The following TP63 variants were observed in gnomAD, a reference collection of about 807,000 sequenced individuals.
The protein encoded by TP63 is tumor protein p63.
In TP63, 17 loss-of-function variants were observed where a neutral mutation model predicts 82.8. The ratio of observed to expected loss-of-function variants is 0.21; its 90% CI spans 0.14 to 0.31. TP63 has a LOEUF of 0.31. Ranked by LOEUF, TP63 falls within the 10% of genes least tolerant of loss-of-function variation. The pLI, the probability that TP63 is intolerant of heterozygous loss-of-function variation, is 1.00. For synonymous variants in TP63, 330 were observed against 321.7 expected, an observed-to-expected ratio of 1.03 and a Z score of -0.28; for missense variants, 648 against 895.3, an observed-to-expected ratio of 0.72 and a Z score of 3.52.
intron 4 of TP63, among the ~76,000 whole-genome samples, chr3:189,856,025 G>T (rs1716251644): frequency 6.6e-6 from 1 of 151,608 alleles, no homozygotes; most frequent in Admixed American, 6.6e-5. Context: ...TAATACAATG[G>T]GCTGGCATAA....
At chr3:189,639,128 A>C (rs569661377) in intron 1 of TP63, among the ~76,000 whole-genome samples, 1 of 152,278 alleles carries the variant, frequency 6.6e-6, no homozygotes, top group South Asian at 2.1e-4. Context: ...CAGGGTTTCT[A>C]TCTCCTTTAA....
At chr3:189,789,293 C>A (rs1036171757) in intron 3 of TP63, among the ~76,000 whole-genome samples, 15 of 152,004 alleles carry the variant, frequency 9.9e-5, no homozygotes, top group Non-Finnish European at 1.6e-4. Flanking sequence ...TAAAAGTTTT[C>A]CTGAAGTTTA....
chr3:189,624,325 C>T, the TP63 span, among the ~76,000 whole-genome samples: 2 of 152,074 alleles, frequency 1.3e-5, no homozygotes, highest in Admixed American at 1.3e-4. Context: ...CCCCCACCCC[C>T]ATAACTTTAC....
the TP63 span, among the ~76,000 whole-genome samples, chr3:189,610,568 G>A: frequency 4.6e-5 from 7 of 152,046 alleles, no homozygotes; most frequent in Admixed American, 6.6e-5. Flanking sequence ...TGTCCATGTC[G>A]TTATCAGCAT....
intron 3 of TP63, among the ~76,000 whole-genome samples, chr3:189,792,367 A>G (rs1474358022): frequency 6.6e-6 from 1 of 152,084 alleles, no homozygotes; most frequent in Non-Finnish European, 1.5e-5. Context: ...AGAGAGGGTC[A>G]AAATAAAGGA....
chr3:189,812,309 TTC>T (rs1199564692), intron 4 of TP63, among the ~76,000 whole-genome samples: 4 of 152,262 alleles, frequency 2.6e-5, no homozygotes, highest in African/African-American at 9.6e-5. Flanking sequence ...TATTTTAAAC[TTC>T]TTTCAATGAA....
At chr3:189,714,681 A>G (rs996409477) in intron 1 of TP63, among the ~76,000 whole-genome samples, 8 of 152,158 alleles carry the variant, frequency 5.3e-5, no homozygotes, top group African/African-American at 1.9e-4. Flanking sequence ...ATTCTCTCAA[A>G]TATGAGAGGC....
chr3:189,664,958 C>T (rs561144532), intron 1 of TP63, among the ~76,000 whole-genome samples: 1 of 152,174 alleles, frequency 6.6e-6, no homozygotes, highest in East Asian at 1.9e-4. Flanking sequence ...AGGAATTTTA[C>T]AAACCAATTG....
intron 1 of TP63, among the ~76,000 whole-genome samples, chr3:189,685,965 C>G (rs1343946049): frequency 3.9e-5 from 6 of 152,168 alleles, no homozygotes; most frequent in African/African-American, 1.4e-4. Context: ...TCAGAAAACC[C>G]TACATTTCTG....
At chr3:189,739,187 C>A (rs1457661240) in intron 3 of TP63, among the ~76,000 whole-genome samples, 1 of 152,186 alleles carries the variant, frequency 6.6e-6, no homozygotes, top group Non-Finnish European at 1.5e-5. Flanking sequence ...AGGATCTCAG[C>A]TCATTGCAAC....
In TP63 at chr3:189,868,063, C is replaced by T. The variant is rs7653848; in HGVS notation, c.992+121C>T. On this transcript the variant is annotated intron_variant, in intron 7 of 13. Coordinates refer to ENST00000264731, the MANE Select transcript of TP63 (RefSeq NM_003722.5). The stretch of plus-strand genomic sequence containing the variant: ...CAGCGGAGAGCTTGTCCTTTGTGCT[C>T]TAAATCCTTGCTACAAACGGTTACA... 162,253 of 828,972 alleles carry T rather than the reference C, an allele frequency of 0.2. 20,555 individuals carry two copies. The highest frequency in any genetic ancestry group is 0.56 in the African/African-American group (33,012 of 59,310). The allele number at this position is 828,972 out of a possible 1,614,324, so 51.4% of individuals were successfully genotyped here.
intron 1 of TP63, among the ~76,000 whole-genome samples, chr3:189,735,323 T>C (rs1720501422): frequency 6.6e-6 from 1 of 152,190 alleles, no homozygotes; most frequent in Admixed American, 6.5e-5. Flanking sequence ...GTTTCTAAAC[T>C]TTTGGTCTAT....
At chr3:189,689,098 CTTTTTCTTTTTTTTTTTTTTTT>C (rs1166053684) in intron 1 of TP63, among the ~76,000 whole-genome samples, 3 of 85,154 alleles carry the variant, frequency 3.5e-5, no homozygotes, top group Non-Finnish European at 6.4e-5. Flanking sequence ...TCAAATCTAC[CTTTTTCTTTTTTTTTTTTTTTT>C]TTTTTTTTTT....
intron 1 of TP63, among the ~76,000 whole-genome samples, chr3:189,682,060 C>T (rs1319479519): frequency 2.0e-5 from 3 of 152,098 alleles, no homozygotes; most frequent in Non-Finnish European, 4.4e-5. Context: ...TGGTGAAACC[C>T]GGTCTCTACT....
chr3:189,603,682 A>C, the TP63 span, among the ~76,000 whole-genome samples: 2 of 131,882 alleles, frequency 1.5e-5, 1 homozygote, highest in Non-Finnish European at 3.2e-5. Flanking sequence ...AAAAAGAAGC[A>C]CAGTCCTGGA....
intron 1 of TP63, among the ~76,000 whole-genome samples, chr3:189,661,677 G>T (rs547689713): frequency 1.3e-5 from 2 of 152,018 alleles, no homozygotes; most frequent in Non-Finnish European, 1.5e-5. Context: ...ATGTCTGGTA[G>T]AATTTGGCTG....
chr3:189,794,892 C>T (rs1417781385), intron 3 of TP63, among the ~76,000 whole-genome samples: 3 of 152,002 alleles, frequency 2.0e-5, no homozygotes, highest in Non-Finnish European at 4.4e-5. Flanking sequence ...TGGAAGGATA[C>T]GCATGGATTG....
At chr3:189,853,194 C>G (rs776134789) in intron 4 of TP63, among the ~76,000 whole-genome samples, 2 of 152,208 alleles carry the variant, frequency 1.3e-5, no homozygotes, top group Non-Finnish European at 2.9e-5. Context: ...TTCCTGCTTC[C>G]GTCTTTGTTC....
intron 1 of TP63, among the ~76,000 whole-genome samples, chr3:189,737,266 G>C (rs1457394558): frequency 1.4e-5 from 2 of 143,514 alleles, no homozygotes; most frequent in South Asian, 2.2e-4. Flanking sequence ...ACTAATCTGA[G>C]GAAAAAATTT....
Sources: allele counts gnomAD v4.1 joint callset (sites outside exome capture counted in the v4.1 genomes callset), GRCh38; gene constraint gnomAD v4.1.1; transcripts MANE v1.5; gene names NCBI Gene and HGNC (gene_info 2026-07-23, HGNC 2026-07-21).